Variants in BIRC5 observed in about 807,000 individuals in gnomAD.
BIRC5 encodes baculoviral IAP repeat-containing protein 5.
Under a neutral mutation model 15.8 loss-of-function variants are expected in BIRC5, and 8 were observed. The observed-to-expected ratio is 0.51, with a 90% CI of 0.30 to 0.91. The LOEUF (loss-of-function observed/expected upper bound fraction) is 0.91, where lower values mean the gene tolerates loss of function less well. BIRC5 is among the 40% of genes least tolerant of loss of function. The pLI is 0.07. For synonymous variants in BIRC5, 56 were observed against 64.5 expected (o/e 0.87, Z 0.63); for missense variants, 163 against 178.6 (o/e 0.91, Z 0.50).
At chr17:78,214,626 G>T (rs1177297792) in intron 1 of BIRC5, 54 bp from the exon 2 acceptor site, 47 of 1,499,088 alleles carry the variant, frequency 3.1e-5, no homozygotes, top group Non-Finnish European at 4.1e-5. Flanking sequence ...TTGTGGCTGG[G>T]CCTCGGGGTT....
intron 3 of BIRC5, among the ~76,000 whole-genome samples, chr17:78,220,772 G>C (rs1384558815): frequency 6.6e-6 from 1 of 152,114 alleles, no homozygotes; most frequent in African/African-American, 2.4e-5. Flanking sequence ...CCCAGGCTGA[G>C]TGCAGTGGTG....
chr17:78,222,058 A>G (rs12945369), intron 3 of BIRC5, among the ~76,000 whole-genome samples: 57,579 of 151,654 alleles, frequency 0.38, 10,985 homozygotes, highest in Middle Eastern at 0.47. Flanking sequence ...AAAATTAGCC[A>G]GGCATGGTGG....
intron 2 of BIRC5, 24 bp downstream of exon 2, chr17:78,214,813 G>C (rs1397772766): frequency 1.9e-6 from 3 of 1,586,954 alleles, no homozygotes; most frequent in African/African-American, 2.7e-5. Context: ...GGCCAGCCTC[G>C]ATGGGCTTTG....
intron 2 of BIRC5, among the ~76,000 whole-genome samples, chr17:78,215,529 G>A (rs76791204): frequency 2.0e-5 from 3 of 151,628 alleles, no homozygotes; most frequent in African/African-American, 7.3e-5. Context: ...TACTCGGATG[G>A]TATCTGTCTT....
In BIRC5 at chr17:78,224,134, T is replaced by C. The variant is rs2145902554; in HGVS notation, c.*580T>C. 6.6e-6 allele frequency: 1 copy of C among 152,490 alleles called. No homozygotes were observed. The highest frequency in any genetic ancestry group is 2.1e-4 in the South Asian group (1 of 4,806). 9.4% of individuals were successfully genotyped at this position (152,490 alleles called of 1,614,324 possible). A position where few individuals can be genotyped will look rare whatever the true frequency, so the allele number is the denominator to read the frequency against. On this transcript the variant is annotated 3_prime_UTR_variant, in exon 4 of 4. Transcript: ENST00000350051. ...ATGGAGACAGAGTCCCTGGCTCCTC[T>C]ACTGTTTAACAACATGGCTTTCTTA...
rs920106823 is a variant in BIRC5, at chr17:78,214,338, C to T, written c.22C>T (p.Pro8Ser). Reference sequence around the variant, plus strand: ...CGGCATGGGTGCCCCGACGTTGCCCCCTGCCTGGCAGCCCTTTCTCAAGGA... The same window carrying T: ...CGGCATGGGTGCCCCGACGTTGCCCTCTGCCTGGCAGCCCTTTCTCAAGGA... MGAPTLP[P>S]AWQPFLKDHR... The change falls in exon 1 of 4, where the codon CCT (proline) becomes TCT (serine). Residue 8 changes from proline (P) to serine (S), a missense_variant. Physicochemically the swap from Pro to Ser is moderately conservative, Grantham distance 74. Coordinates refer to ENST00000350051, the MANE Select transcript of BIRC5 (RefSeq NM_001168.3). 4 of 1,608,702 alleles carry T rather than the reference C, an allele frequency of 2.5e-6. No homozygotes were observed. The highest frequency in any genetic ancestry group is 2.7e-5 in the African/African-American group (2 of 74,338).
intron 3 of BIRC5, among the ~76,000 whole-genome samples, chr17:78,220,969 G>C (rs2076511162): frequency 6.6e-6 from 1 of 152,218 alleles, no homozygotes; most frequent in Non-Finnish European, 1.5e-5. Context: ...CCTGTCTGCT[G>C]CCTTGCCAGG....
intron 2 of BIRC5, 30 bp from the exon 3 acceptor site, chr17:78,216,634 G>A (rs2076480053): frequency 6.2e-7 from 1 of 1,603,642 alleles, no homozygotes. Context: ...CCCTTCAGCT[G>A]CCTTTCCGCT....
chr17:78,225,078 C>T lies in BIRC5; in HGVS notation c.*1524C>T, dbSNP rs947733911. The T allele has an allele frequency of 6.6e-6, 1 of 152,224 alleles. No homozygotes were observed. Among genetic ancestry groups the T allele is most frequent in the African/African-American group, 2.4e-5 (1 of 41,454 alleles). The allele number at this position is 152,224 out of a possible 1,614,324, so 9.4% of individuals were successfully genotyped here. On this transcript the variant is annotated 3_prime_UTR_variant, in exon 4 of 4. Coordinates refer to ENST00000350051, the MANE Select transcript of BIRC5 (RefSeq NM_001168.3). ...TGTGTCAGTCTGTAAATGGATACTT[C>T]ACTTTAATAACTGTTGCTTAGTAAT...
At position 78,225,310 on chromosome 17, in the gene BIRC5, C is replaced by G. The variant is rs536131529; in HGVS notation, c.*1756C>G. ...GGCTACCAGCACCTGAAAGCTTCCTCGACATCTGTTAATAAAGCCGTAGGC... is the reference window on the plus strand; with the variant it reads ...GGCTACCAGCACCTGAAAGCTTCCTGGACATCTGTTAATAAAGCCGTAGGC... On this transcript the variant is annotated 3_prime_UTR_variant, in exon 4 of 4. Transcript: ENST00000350051. The G allele has an allele frequency of 1.3e-5, 2 of 152,246 alleles. No homozygotes were observed. The highest frequency in any genetic ancestry group is 2.9e-5 in the Non-Finnish European group (2 of 68,056). The allele number at this position is 152,246 out of a possible 1,614,324, so 9.4% of individuals were successfully genotyped here.
In BIRC5 at chr17:78,214,772, G is replaced by A. The variant is rs776884169; in HGVS notation, c.204G>A (p.Glu68=). The change falls in exon 2 of 4, where the codon GAG becomes GAA. Residue 68 remains glutamate (E), a synonymous_variant. Coordinates refer to ENST00000350051, the MANE Select transcript of BIRC5 (RefSeq NM_001168.3). ...FFCFKELEGW[E]PDDDPIEEHK... is the part of the protein sequence containing the mutation. ...GCTTCAAGGAGCTGGAAGGCTGGGAGCCAGATGACGACCCCATGTAAGTCT... is the reference window on the plus strand; with the variant it reads ...GCTTCAAGGAGCTGGAAGGCTGGGAACCAGATGACGACCCCATGTAAGTCT... 1.2e-6 allele frequency: 2 copies of A among 1,612,874 alleles called. No homozygotes were observed. Among genetic ancestry groups the A allele is most frequent in the Non-Finnish European group, 1.7e-6 (2 of 1,179,482 alleles).
intron 3 of BIRC5, chr17:78,223,084 A>T: frequency 8.3e-7 from 1 of 1,203,768 alleles, no homozygotes; most frequent in Non-Finnish European, 1.1e-6. Flanking sequence ...TGCCTAGACT[A>T]GCTGGGTACT....
At chr17:78,223,064 C>G in intron 3 of BIRC5, 1 of 1,318,668 alleles carries the variant, frequency 7.6e-7, no homozygotes, top group Non-Finnish European at 1.0e-6. Flanking sequence ...GGTGCCCAGA[C>G]TAGCTGGGGT....
chr17:78,222,230 G>C (rs1431896777), intron 3 of BIRC5, among the ~76,000 whole-genome samples: 2 of 148,942 alleles, frequency 1.3e-5, no homozygotes, highest in South Asian at 2.1e-4. Flanking sequence ...ACGGTGCACT[G>C]TTTTCTTTTT....
At chr17:78,216,825 T>G in intron 3 of BIRC5, 44 bp downstream of exon 3, 1 of 1,478,636 alleles carries the variant, frequency 6.8e-7, no homozygotes, top group Non-Finnish European at 9.4e-7. Flanking sequence ...GTTCAATGTC[T>G]TTAGCACTAA....
chr17:78,223,019 CTGCCTAGACTAGCTGGGG>C (rs869059103), intron 3 of BIRC5: 96 of 1,437,730 alleles, frequency 6.7e-5, no homozygotes, highest in Middle Eastern at 2.2e-4. Flanking sequence ...GAGCAGAGCT[CTGCCTAGACTAGCTGGGG>C]TGCCTAGACT....
intron 3 of BIRC5, among the ~76,000 whole-genome samples, chr17:78,221,513 G>C (rs932860116): frequency 6.6e-6 from 1 of 151,452 alleles, no homozygotes; most frequent in Admixed American, 6.6e-5. Context: ...GGCAAGCTCC[G>C]CCTCCCAGGT....
intron 3 of BIRC5, among the ~76,000 whole-genome samples, chr17:78,218,911 C>A (rs190196377): frequency 6.6e-5 from 10 of 151,882 alleles, no homozygotes; most frequent in African/African-American, 2.4e-4. Context: ...CAGGCCTGGG[C>A]GTCATATATT....
At chr17:78,221,916 G>A (rs1015718060) in intron 3 of BIRC5, among the ~76,000 whole-genome samples, 1 of 152,132 alleles carries the variant, frequency 6.6e-6, no homozygotes, top group Non-Finnish European at 1.5e-5. Context: ...TGCGCTGCTG[G>A]GCCAGGTGCA....
Sources: gnomAD v4.1 joint callset for allele counts (sites outside exome capture counted in the v4.1 genomes callset) on GRCh38, gnomAD v4.1.1 for gene constraint, MANE v1.5 for transcripts, NCBI Gene and HGNC (gene_info 2026-07-23, HGNC 2026-07-21) for gene names.